The following TENM1 variants were observed in gnomAD, a reference collection of about 807,000 sequenced individuals.
TENM1 encodes teneurin-1.
In TENM1, 35 loss-of-function variants were observed where a neutral mutation model predicts 174.8. The ratio of observed to expected loss-of-function variants is 0.20; its 90% CI spans 0.15 to 0.27. The LOEUF is 0.27. TENM1 is among the 10% of genes least tolerant of loss of function. The probability of loss-of-function intolerance (pLI) is 1.00; values close to 1 mark genes in which losing one functional copy is unlikely to be tolerated. For missense variants in TENM1, 1,633 were observed against 2,130.1 expected (o/e 0.77, Z 4.59); for synonymous variants, 781 against 798.7 (o/e 0.98, Z 0.37).
At chrX:124,623,868 C>T (rs912368261) in intron 11 of TENM1, among the ~76,000 whole-genome samples, 32 of 111,650 alleles carry the variant, frequency 2.9e-4, no homozygotes, top group African/African-American at 1.0e-3. Context: ...CATCTGTTTT[C>T]GCCCCAGACC....
chrX:124,599,543 T>C (rs771351016), intron 11 of TENM1, among the ~76,000 whole-genome samples: 147 of 111,005 alleles, frequency 1.3e-3, no homozygotes, highest in African/African-American at 4.4e-3. Flanking sequence ...AAAGGTCAAG[T>C]GGAGGAGGAG....
chrX:124,985,322 C>G, the TENM1 span, among the ~76,000 whole-genome samples: 1 of 112,218 alleles, frequency 8.9e-6, no homozygotes, highest in African/African-American at 3.2e-5. Flanking sequence ...AAGCAGAGCA[C>G]CTGATCCTTC....
chrX:124,789,569 C>T (rs188868505), intron 3 of TENM1, among the ~76,000 whole-genome samples: 1 of 111,639 alleles, frequency 9.0e-6, no homozygotes. Context: ...CCTAAGTCAT[C>T]TCTCTCAAGT....
chrX:124,434,197 G>A (rs1324354483), intron 23 of TENM1, among the ~76,000 whole-genome samples: 3 of 111,425 alleles, frequency 2.7e-5, no homozygotes, highest in Non-Finnish European at 5.7e-5. Flanking sequence ...ACCAACAAAA[G>A]AATAGCTCGT....
chrX:125,006,669 G>A, the TENM1 span, among the ~76,000 whole-genome samples: 84 of 111,649 alleles, frequency 7.5e-4, no homozygotes, highest in Admixed American at 6.7e-3. Context: ...CCAAAGGTAA[G>A]AGCAGACCAC....
the TENM1 span, among the ~76,000 whole-genome samples, chrX:124,970,429 G>A: frequency 8.9e-6 from 1 of 111,878 alleles, no homozygotes; most frequent in Non-Finnish European, 1.9e-5. Flanking sequence ...GTACTCTTTG[G>A]AATTATTACA....
chrX:124,906,235 C>T (rs1287967559), intron 1 of TENM1, among the ~76,000 whole-genome samples: 2 of 111,677 alleles, frequency 1.8e-5, no homozygotes, highest in Non-Finnish European at 3.8e-5. Context: ...TTATAGAATG[C>T]TATACCAAAA....
At chrX:124,500,948 T>C (rs2047315266) in intron 19 of TENM1, among the ~76,000 whole-genome samples, 1 of 111,736 alleles carries the variant, frequency 8.9e-6, no homozygotes, top group Admixed American at 9.5e-5. Context: ...GGACATTTAC[T>C]TCTCCTCCCA....
chrX:125,097,207 G>A, the TENM1 span, among the ~76,000 whole-genome samples: 10 of 111,615 alleles, frequency 9.0e-5, no homozygotes, highest in Admixed American at 7.6e-4. Context: ...CCTCTCGCCT[G>A]AGAACAAGTT....
At chrX:124,807,539 A>G in intron 3 of TENM1, among the ~76,000 whole-genome samples, 1 of 112,143 alleles carries the variant, frequency 8.9e-6, no homozygotes, top group Non-Finnish European at 1.9e-5. Context: ...AATTCAGAAT[A>G]ATCTAAAACT....
Position 124,406,444 on chromosome X carries a change from T to TC in TENM1, c.5027dup (p.Glu1677ArgfsTer8). 1 of 1,208,829 alleles carries TC rather than the reference T, an allele frequency of 8.3e-7. No individual in the cohort carries two copies. The highest frequency in any genetic ancestry group is 1.1e-6 in the Non-Finnish European group (1 of 893,553). On this transcript the variant is annotated frameshift_variant, in exon 26 of 32. Transcript: ENST00000422452. LOFTEE classifies it high-confidence loss of function. ...GGTCACTGTGGAAGCTGCTGACCTCTCCAGTGGGAAACGTTGCATTGGTCA... is the reference window on the plus strand; with the variant it reads ...GGTCACTGTGGAAGCTGCTGACCTCTCCCAGTGGGAAACGTTGCATTGGTCA...
the TENM1 span, among the ~76,000 whole-genome samples, chrX:125,076,222 C>T: frequency 9.0e-6 from 1 of 111,594 alleles, no homozygotes; most frequent in African/African-American, 3.3e-5. Context: ...CTCTCCTTTA[C>T]TTGGAATCAT....
intron 14 of TENM1, among the ~76,000 whole-genome samples, chrX:124,550,429 T>C (rs1471746787): frequency 8.9e-6 from 1 of 112,272 alleles, no homozygotes; most frequent in African/African-American, 3.2e-5. Flanking sequence ...GATTAGTTAA[T>C]ATTTGCCAGG....
rs1056263850 is a variant in TENM1, at chrX:124,737,279, C to T, written c.536-82G>A. The T allele has an allele frequency of 9.9e-6, 10 of 1,014,284 alleles. No individual in the cohort carries two copies. In the African/African-American group the frequency reaches 1.4e-4, roughly 14 times the overall value. 83.6% of individuals were successfully genotyped at this position (1,014,284 alleles called of 1,213,427 possible). ...AGGGAAACCAGCATGACAGACTTAC[C>T]AGGATTTCAGATAATAAAACCTGTG... On this transcript the variant is annotated intron_variant, in intron 3 of 31. Transcript: ENST00000422452.
chrX:124,867,473 T>G (rs2057028948), intron 3 of TENM1, among the ~76,000 whole-genome samples: 1 of 111,957 alleles, frequency 8.9e-6, no homozygotes, highest in Non-Finnish European at 1.9e-5. Context: ...ACACTGGGGA[T>G]AGAAGAAAGA....
At chrX:124,924,369 G>T (rs1275605169) in intron 1 of TENM1, among the ~76,000 whole-genome samples, 1 of 111,316 alleles carries the variant, frequency 9.0e-6, no homozygotes, top group East Asian at 2.8e-4. Context: ...GGAAGAGGGT[G>T]GCAGGAACTA....
intron 3 of TENM1, among the ~76,000 whole-genome samples, chrX:124,768,010 T>C: frequency 9.0e-6 from 1 of 111,640 alleles, no homozygotes. Context: ...AATGTGTCTA[T>C]CTCTCCTCTG....
chrX:124,472,234 C>CACTG (rs1390302711), intron 22 of TENM1, among the ~76,000 whole-genome samples: 1 of 100,751 alleles, frequency 9.9e-6, no homozygotes, highest in Non-Finnish European at 2.0e-5. Flanking sequence ...GGCAGGGAGT[C>CACTG]ACTGAAAGAT....
chrX:125,100,878 T>A, the TENM1 span, among the ~76,000 whole-genome samples: 7,838 of 111,317 alleles, frequency 0.07, 224 homozygotes, highest in Middle Eastern at 0.15. Context: ...AACCTTATTG[T>A]TTAACTGTGA....
Sources: allele counts gnomAD v4.1 joint callset (sites outside exome capture counted in the v4.1 genomes callset), GRCh38; gene constraint gnomAD v4.1.1; transcripts MANE v1.5; gene names NCBI Gene and HGNC (gene_info 2026-07-23, HGNC 2026-07-21).